The following NTM variants were observed in gnomAD, a reference collection of about 807,000 sequenced individuals.
NTM encodes the protein neurotrimin, also known as IgLON family member 2.
In NTM, 13 loss-of-function variants were observed where a neutral mutation model predicts 42.1. The ratio of observed to expected loss-of-function variants is 0.31; its 90% CI spans 0.20 to 0.49. The LOEUF is 0.49. Among genes scored for constraint, NTM ranks in the 20% least tolerant of loss-of-function variants. The pLI is 0.99. For missense variants in NTM, 373 were observed against 452.8 expected (o/e 0.82, Z 1.60); for synonymous variants, 187 against 179.2 (o/e 1.04, Z -0.35).
intron 1 of NTM, among the ~76,000 whole-genome samples, chr11:131,692,546 A>G (rs1045914180): frequency 2.0e-5 from 3 of 152,240 alleles, no homozygotes; most frequent in Non-Finnish European, 4.4e-5. Flanking sequence ...AGAGAGAAAG[A>G]GAGGGGATAG....
Position 131,977,145 on chromosome 11 carries a change from C to T in NTM, c.167+65497C>T, listed in dbSNP as rs758261981. Among the ~76,000 whole-genome samples, 137 of 152,210 alleles carry T rather than the reference C, an allele frequency of 9.0e-4. 2 individuals are homozygous for T. The highest frequency in any genetic ancestry group is 2.4e-4 in the Non-Finnish European group (16 of 68,036). On this transcript the variant is annotated intron_variant, in intron 2 of 8. Transcript: ENST00000683400. ...TGAGGAACCCATCCCTTCAGAAATGCATGGATTGATCTCTGCTACCCCACT... is the reference window on the plus strand; with the variant it reads ...TGAGGAACCCATCCCTTCAGAAATGTATGGATTGATCTCTGCTACCCCACT...
chr11:131,674,085 A>C (rs544230484), intron 1 of NTM, among the ~76,000 whole-genome samples: 4 of 152,362 alleles, frequency 2.6e-5, no homozygotes, highest in Non-Finnish European at 5.9e-5. Context: ...ACATACACAC[A>C]CAGCGTAGGG....
chr11:131,806,801 T>C (rs1181171004), intron 1 of NTM, among the ~76,000 whole-genome samples: 1 of 152,214 alleles, frequency 6.6e-6, no homozygotes, highest in African/African-American at 2.4e-5. Context: ...GGATTTCTTA[T>C]TAGGCTCCAG....
chr11:131,910,460 G>GGCGGGGGTTAAGGTGGGCGCCCGCGC (rs1555172610), intron 1 of NTM, among the ~76,000 whole-genome samples: 2 of 150,890 alleles, frequency 1.3e-5, no homozygotes, highest in Non-Finnish European at 3.0e-5. Context: ...TAAGGTGGGC[G>GGCGGGGGTTAAGGTGGGCGCCCGCGC]CCCGCGCCCC....
intron 1 of NTM, among the ~76,000 whole-genome samples, chr11:131,493,023 G>T (rs1954958564): frequency 6.6e-6 from 1 of 152,006 alleles, no homozygotes. Context: ...CTCAAGACCA[G>T]CCTGGGCAAC....
intron 1 of NTM, among the ~76,000 whole-genome samples, chr11:131,515,512 A>G (rs1341484382): frequency 6.6e-6 from 1 of 152,182 alleles, no homozygotes; most frequent in Non-Finnish European, 1.5e-5. Flanking sequence ...AAGGTGAACT[A>G]CAGAGCTGGA....
At chr11:132,038,559 G>A (rs1435501565) in intron 2 of NTM, among the ~76,000 whole-genome samples, 2 of 152,190 alleles carry the variant, frequency 1.3e-5, no homozygotes, top group Non-Finnish European at 2.9e-5. Context: ...TCCTGGGGCT[G>A]TTTAGAGGAT....
rs147213224 is a variant in NTM at position 131,851,532 on chromosome 11, C to CGCGCGTGTGT, written c.83-60031_83-60030insCGCGTGTGTG. On this transcript the variant is annotated intron_variant, in intron 1 of 8. Transcript: ENST00000683400. ...ACATCACATGCCCTGGTGAGAATGG[C>CGCGCGTGTGT]GTGTGTGTGTGTGTGTGTGTGTGTG... Among the ~76,000 whole-genome samples, 431 of 146,798 alleles carry CGCGCGTGTGT rather than the reference C, an allele frequency of 2.9e-3. 4 individuals are homozygous for CGCGCGTGTGT. The highest frequency in any genetic ancestry group is 0.011 in the South Asian group (47 of 4,470).
chr11:132,113,114 C>T (rs1322850745), intron 2 of NTM, among the ~76,000 whole-genome samples: 1 of 152,170 alleles, frequency 6.6e-6, no homozygotes, highest in Admixed American at 6.5e-5. Context: ...TTTTTCCGTA[C>T]ATGCATACAT....
intron 1 of NTM, among the ~76,000 whole-genome samples, chr11:131,760,802 G>A (rs10894439): frequency 0.54 from 82,234 of 151,804 alleles, 22,202 homozygotes; most frequent in East Asian, 0.63. Context: ...AGAAACCTGC[G>A]GAGGGAGCTA....
chr11:131,998,885 G>T (rs557800237), intron 2 of NTM, among the ~76,000 whole-genome samples: 20 of 152,274 alleles, frequency 1.3e-4, no homozygotes, highest in Middle Eastern at 3.4e-3. Context: ...GGGTATTATG[G>T]GAGACTGCTG....
At chr11:131,737,418 G>A (rs1245516439) in intron 1 of NTM, among the ~76,000 whole-genome samples, 1 of 152,190 alleles carries the variant, frequency 6.6e-6, no homozygotes, top group South Asian at 2.1e-4. Context: ...TAGCACATTT[G>A]TTCCACTTCC....
intron 1 of NTM, among the ~76,000 whole-genome samples, chr11:131,587,158 A>T (rs150822112): frequency 6.6e-6 from 1 of 152,208 alleles, no homozygotes; most frequent in African/African-American, 2.4e-5. Flanking sequence ...CAGATAAGGT[A>T]GCTAAGGCAC....
intron 2 of NTM, among the ~76,000 whole-genome samples, chr11:132,119,786 T>C (rs1218971125): frequency 6.6e-6 from 1 of 152,180 alleles, no homozygotes; most frequent in Non-Finnish European, 1.5e-5. Context: ...TTAAATGAAA[T>C]GCAATCACCT....
intron 1 of NTM, among the ~76,000 whole-genome samples, chr11:131,462,938 C>G (rs925494129): frequency 6.6e-6 from 1 of 150,626 alleles, no homozygotes; most frequent in Non-Finnish European, 1.5e-5. Flanking sequence ...GGAAGGGTCA[C>G]TTATCTACTC....
At chr11:132,324,443 T>C (rs1158989347) in intron 7 of NTM, among the ~76,000 whole-genome samples, 1 of 150,206 alleles carries the variant, frequency 6.7e-6, no homozygotes, top group East Asian at 1.9e-4. Context: ...GAGAATAAAA[T>C]ACCTAGGAAT....
intron 1 of NTM, among the ~76,000 whole-genome samples, chr11:131,746,777 G>A (rs561097904): frequency 4.4e-4 from 67 of 151,970 alleles, no homozygotes; most frequent in South Asian, 2.5e-3. Context: ...TTGAATTTCA[G>A]TATCATCCTT....
At chr11:132,042,263 G>A (rs2077304678) in intron 2 of NTM, among the ~76,000 whole-genome samples, 1 of 152,118 alleles carries the variant, frequency 6.6e-6, no homozygotes, top group Admixed American at 6.5e-5. Flanking sequence ...CCTGTTCTGT[G>A]AGAGCTGTGC....
intron 4 of NTM, among the ~76,000 whole-genome samples, chr11:132,295,518 A>C (rs1054087649): frequency 2.0e-5 from 3 of 152,204 alleles, no homozygotes; most frequent in Non-Finnish European, 2.9e-5. Context: ...AAACAATAAT[A>C]AACTAGGTGG....
Sources: gnomAD v4.1 joint callset for allele counts (sites outside exome capture counted in the v4.1 genomes callset) on GRCh38, gnomAD v4.1.1 for gene constraint, MANE v1.5 for transcripts, NCBI Gene and HGNC (gene_info 2026-07-23, HGNC 2026-07-21) for gene names.